The following CPLX4 variants were observed in gnomAD, a reference collection of about 807,000 sequenced individuals.
CPLX4 encodes the protein complexin 4.
In CPLX4, 17 loss-of-function variants were observed where a neutral mutation model predicts 16.1. The observed-to-expected ratio is 1.06, with a 90% CI of 0.72 to 1.59. The LOEUF (loss-of-function observed/expected upper bound fraction) is 1.59. Among genes scored for constraint, CPLX4 ranks in the 40% most tolerant of loss-of-function variants. The pLI, the probability that CPLX4 is intolerant of heterozygous loss-of-function variation, is 0.00. For missense variants in CPLX4, 193 were observed against 192.9 expected, an observed-to-expected ratio of 1.00 and a Z score of 0.00; for synonymous variants, 55 against 57.8, an observed-to-expected ratio of 0.95 and a Z score of 0.22.
chr18:59,312,396 C>A (rs12961490), intron 2 of CPLX4, among the ~76,000 whole-genome samples: 1 of 145,726 alleles, frequency 6.9e-6, no homozygotes, highest in South Asian at 2.2e-4. Flanking sequence ...TTAGGATATA[C>A]GTGTGTGCAT....
In CPLX4 at chr18:59,318,642, C is replaced by T. The variant is rs557558269; in HGVS notation, c.-180G>A. The T allele has an allele frequency of 8.5e-5, 101 of 1,182,330 alleles. 1 individual carries two copies. The East Asian group carries it at 1.8e-3, about 21-fold the overall frequency. The allele number at this position is 1,182,330 out of a possible 1,614,324, so 73.2% of individuals were successfully genotyped here. ...TGATAGAGAAGAGTGGTTTGTCGGC[C>T]GTAAGCTGGATTAAAGTGGTGAACT... On this transcript the variant is annotated 5_prime_UTR_variant, in exon 1 of 3. Transcript: ENST00000299721.
In CPLX4 at chr18:59,296,751, C is replaced by A; in HGVS notation, c.430G>T (p.Ala144Ser). The change falls in exon 3 of 3, where the codon GCC becomes TCC. Residue 144 changes from alanine (A) to serine (S), a missense_variant. Coordinates refer to ENST00000299721, the MANE Select transcript of CPLX4 (RefSeq NM_181654.4). ...GTCTGCTTGATTTCAGTGAAGGTGG[C>A]CTGGGCTTTTTCTTTTATGGTATCC... ...DLDTIKEKAQ[A>S]TFTEIKQTAE... The A allele has an allele frequency of 6.3e-7, 1 of 1,590,606 alleles. No individual in the cohort carries two copies.
At chr18:59,317,207 C>T (rs2070656865) in intron 1 of CPLX4, among the ~76,000 whole-genome samples, 1 of 152,118 alleles carries the variant, frequency 6.6e-6, no homozygotes, top group South Asian at 2.1e-4. Context: ...AACCTTTTCA[C>T]CTATAATCAT....
At chr18:59,302,053 G>T (rs1449919732) in intron 2 of CPLX4, among the ~76,000 whole-genome samples, 1 of 152,342 alleles carries the variant, frequency 6.6e-6, no homozygotes, top group East Asian at 1.9e-4. Context: ...GAAAGAGACG[G>T]TGGGAGAGTA....
intron 2 of CPLX4, among the ~76,000 whole-genome samples, chr18:59,301,484 G>A (rs148540667): frequency 9.0e-4 from 137 of 152,360 alleles, no homozygotes; most frequent in African/African-American, 3.1e-3. Flanking sequence ...TGCTTCTGGA[G>A]ATGATTCTAG....
At chr18:59,316,942 C>A (rs1053959147) in intron 1 of CPLX4, among the ~76,000 whole-genome samples, 2 of 152,044 alleles carry the variant, frequency 1.3e-5, no homozygotes, top group Non-Finnish European at 2.9e-5. Context: ...TGCTTTTAAG[C>A]TTTTTGTTCT....
At chr18:59,316,130 T>C (rs2070649516) in intron 1 of CPLX4, among the ~76,000 whole-genome samples, 1 of 152,220 alleles carries the variant, frequency 6.6e-6, no homozygotes, top group African/African-American at 2.4e-5. Flanking sequence ...AGCATAACTA[T>C]GGCAAAGAAG....
In CPLX4 at chr18:59,296,647, A is replaced by G. The variant is rs557235805; in HGVS notation, c.*51T>C. ...TACTGCTTGAAACGTCCCACAAGAG[A>G]GTGGTCTTTTCCAAGGATGGCTGGT... On this transcript the variant is annotated 3_prime_UTR_variant, in exon 3 of 3. Coordinates refer to ENST00000299721, the MANE Select transcript of CPLX4 (RefSeq NM_181654.4). The G allele has an allele frequency of 3.1e-5, 50 of 1,596,756 alleles. No homozygotes were observed. In the East Asian group the frequency reaches 1.1e-3, roughly 36 times the overall value.
intron 2 of CPLX4, among the ~76,000 whole-genome samples, chr18:59,305,261 GAGT>G (rs1236452918): frequency 6.6e-6 from 1 of 152,118 alleles, no homozygotes; most frequent in Admixed American, 6.6e-5. Flanking sequence ...TCCAGGCAGG[GAGT>G]AGTAGCAAGA....
intron 1 of CPLX4, 135 bp downstream of exon 1, chr18:59,318,161 T>C (rs1023117807): frequency 3.8e-5 from 53 of 1,400,424 alleles, no homozygotes; most frequent in Non-Finnish European, 4.5e-5. Flanking sequence ...GAACAACCTT[T>C]CCTTGGGTTA....
intron 2 of CPLX4, among the ~76,000 whole-genome samples, chr18:59,310,222 G>A (rs1413812477): frequency 7.2e-6 from 1 of 139,698 alleles, no homozygotes; most frequent in Non-Finnish European, 1.6e-5. Flanking sequence ...CCTTCATGTC[G>A]GTCCCTCCCC....
intron 2 of CPLX4, among the ~76,000 whole-genome samples, chr18:59,298,094 T>TG: frequency 7.7e-6 from 1 of 129,760 alleles, no homozygotes; most frequent in East Asian, 3.6e-4. Context: ...GATTCCTTTA[T>TG]TTTTTTTTTT....
chr18:59,300,103 G>A (rs139396062), intron 2 of CPLX4, among the ~76,000 whole-genome samples: 7,596 of 151,128 alleles, frequency 0.05, 273 homozygotes, highest in Non-Finnish European at 0.072. Context: ...AAGCTGAGGC[G>A]GGGGGATCAC....
intron 2 of CPLX4, among the ~76,000 whole-genome samples, chr18:59,304,552 A>G (rs1555669836): frequency 2.6e-5 from 4 of 151,988 alleles, no homozygotes; most frequent in Non-Finnish European, 5.9e-5. Context: ...TTGTGTTGAC[A>G]CTTTGTTCTT....
At chr18:59,311,641 C>T (rs551827330) in intron 2 of CPLX4, among the ~76,000 whole-genome samples, 7 of 152,132 alleles carry the variant, frequency 4.6e-5, no homozygotes, top group African/African-American at 1.2e-4. Context: ...TAAGGGATGG[C>T]GCATCTTTGG....
At chr18:59,298,116 GTC>G (rs1306670409) in intron 2 of CPLX4, among the ~76,000 whole-genome samples, 1 of 150,974 alleles carries the variant, frequency 6.6e-6, no homozygotes, top group Non-Finnish European at 1.5e-5. Context: ...TTTAGACAGG[GTC>G]TCTCTCTTTC....
At chr18:59,313,561 G>A (rs2070632341) in intron 1 of CPLX4, among the ~76,000 whole-genome samples, 2 of 152,216 alleles carry the variant, frequency 1.3e-5, no homozygotes, top group African/African-American at 2.4e-5. Flanking sequence ...GCCCACAGAA[G>A]TCCTTTATTG....
intron 2 of CPLX4, among the ~76,000 whole-genome samples, chr18:59,312,403 G>A (rs1568106966): frequency 6.9e-6 from 1 of 145,758 alleles, no homozygotes; most frequent in Non-Finnish European, 1.5e-5. Context: ...ATACGTGTGT[G>A]CATATATATA....
At chr18:59,311,373 C>T (rs1244136461) in intron 2 of CPLX4, among the ~76,000 whole-genome samples, 2 of 152,144 alleles carry the variant, frequency 1.3e-5, no homozygotes, top group Non-Finnish European at 2.9e-5. Context: ...GTTCCTTGGG[C>T]ACCTTAGGGA....
Sources: gnomAD v4.1 joint callset for allele counts (sites outside exome capture counted in the v4.1 genomes callset) on GRCh38, gnomAD v4.1.1 for gene constraint, MANE v1.5 for transcripts, NCBI Gene and HGNC (gene_info 2026-07-23, HGNC 2026-07-21) for gene names.